The following TAF4B variants were observed in gnomAD, a reference collection of about 807,000 sequenced individuals.
TAF4B encodes transcription initiation factor TFIID subunit 4B.
Under a neutral mutation model 86.4 loss-of-function variants are expected in TAF4B, and 38 were observed. That is an observed-to-expected ratio of 0.44 (90% confidence interval 0.34 to 0.58). The LOEUF is 0.58. Ranked by LOEUF, TAF4B falls within the 20% of genes least tolerant of loss-of-function variation. TAF4B has a pLI of 0.02. For missense variants in TAF4B, 988 were observed against 1,027.6 expected (o/e 0.96, Z 0.53); for synonymous variants, 388 against 391.2 (o/e 0.99, Z 0.10).
chr18:26,311,906 A>G (rs2056857610), intron 9 of TAF4B, among the ~76,000 whole-genome samples: 1 of 152,230 alleles, frequency 6.6e-6, no homozygotes, highest in Non-Finnish European at 1.5e-5. Flanking sequence ...GTAAGAAGGC[A>G]GGCATGAGCA....
At chr18:26,300,040 GC>G (rs1201243294) in intron 9 of TAF4B, among the ~76,000 whole-genome samples, 1 of 151,904 alleles carries the variant, frequency 6.6e-6, no homozygotes, top group Non-Finnish European at 1.5e-5. Flanking sequence ...TCACTCTGTG[GC>G]CCAGATTAGA....
chr18:26,286,635 T>TA (rs2056527467), intron 7 of TAF4B, 136 bp downstream of exon 7: 3 of 656,928 alleles, frequency 4.6e-6, no homozygotes, highest in Non-Finnish European at 7.2e-6. Flanking sequence ...TTTTTTTTTT[T>TA]ACCTCATTTG....
chr18:26,349,532 C>T (rs1303407848), intron 13 of TAF4B, among the ~76,000 whole-genome samples: 5 of 152,012 alleles, frequency 3.3e-5, no homozygotes, highest in Admixed American at 6.6e-5. Context: ...AATTATAAAA[C>T]GCTAATGAAA....
At chr18:26,243,503 G>T (rs1412418389) in intron 1 of TAF4B, among the ~76,000 whole-genome samples, 1 of 152,040 alleles carries the variant, frequency 6.6e-6, no homozygotes, top group African/African-American at 2.4e-5. Context: ...CAAGTTTTTA[G>T]CTTCTTTGCA....
chr18:26,263,656 A>G (rs888301402), intron 1 of TAF4B, among the ~76,000 whole-genome samples: 1 of 152,130 alleles, frequency 6.6e-6, no homozygotes, highest in Non-Finnish European at 1.5e-5. Context: ...ACTTTAAGAA[A>G]TTCTTCCCTA....
intron 1 of TAF4B, among the ~76,000 whole-genome samples, chr18:26,228,052 G>C (rs1402177311): frequency 6.6e-6 from 1 of 152,176 alleles, no homozygotes; most frequent in Non-Finnish European, 1.5e-5. Flanking sequence ...ATGTGTCAAC[G>C]CTACTGTTAA....
At chr18:26,267,701 A>G (rs1030269790) in intron 3 of TAF4B, 78 bp downstream of exon 3, 15 of 988,122 alleles carry the variant, frequency 1.5e-5, no homozygotes, top group East Asian at 1.4e-4. Flanking sequence ...CCTGTTAGAT[A>G]TGTAAGTTAC....
In TAF4B at chr18:26,352,328, T is replaced by C. The variant is rs971316969; in HGVS notation, c.2317-5362T>C. Among the ~76,000 whole-genome samples the C allele has an allele frequency of 5.9e-5, 9 of 151,910 alleles. No individual in the cohort carries two copies. In the South Asian group the frequency reaches 1.9e-3, roughly 32 times the overall value. ...AAAGTAACAAGATAGGAGAAAATGCTTACATTAGAAAAGAAGAAAGGCCTC... is the reference window on the plus strand; with the variant it reads ...AAAGTAACAAGATAGGAGAAAATGCCTACATTAGAAAAGAAGAAAGGCCTC... On this transcript the variant is annotated intron_variant, in intron 13 of 14. Transcript: ENST00000269142.
At chr18:26,343,220 G>A (rs1159929613) in intron 13 of TAF4B, among the ~76,000 whole-genome samples, 4 of 152,154 alleles carry the variant, frequency 2.6e-5, no homozygotes, top group African/African-American at 9.7e-5. Context: ...GGGAAAGTGG[G>A]CTAAATCCCC....
intron 1 of TAF4B, among the ~76,000 whole-genome samples, chr18:26,242,220 A>G (rs988996306): frequency 1.3e-4 from 20 of 152,250 alleles, no homozygotes; most frequent in African/African-American, 4.8e-4. Flanking sequence ...GTGGGATTCT[A>G]AGTCTCTTTG....
intron 3 of TAF4B, among the ~76,000 whole-genome samples, chr18:26,273,974 T>C (rs1315834079): frequency 6.6e-6 from 1 of 152,232 alleles, no homozygotes; most frequent in Non-Finnish European, 1.5e-5. Context: ...CTGTAACTTT[T>C]AGTGTTTGTC....
chr18:26,227,375 G>A (rs1024662418), intron 1 of TAF4B, 99 bp downstream of exon 1: 11 of 1,041,624 alleles, frequency 1.1e-5, no homozygotes, highest in Non-Finnish European at 1.6e-5. Flanking sequence ...TGAGCCACGG[G>A]AACATTTCAT....
intron 1 of TAF4B, among the ~76,000 whole-genome samples, chr18:26,261,486 C>A (rs1027027183): frequency 4.6e-5 from 7 of 152,342 alleles, no homozygotes; most frequent in African/African-American, 1.4e-4. Flanking sequence ...AGGCGTGAGC[C>A]ACTGCGCCCG....
intron 9 of TAF4B, among the ~76,000 whole-genome samples, chr18:26,295,637 A>G (rs2056653881): frequency 6.6e-6 from 1 of 152,166 alleles, no homozygotes; most frequent in African/African-American, 2.4e-5. Context: ...CTACCGGTAC[A>G]TGGCCTGGGG....
chr18:26,315,230 G>A lies in TAF4B; in HGVS notation c.1834G>A (p.Asp612Asn). 2 of 1,546,732 alleles carry A rather than the reference G, an allele frequency of 1.3e-6. No homozygotes were observed. The highest frequency in any genetic ancestry group is 1.7e-6 in the Non-Finnish European group (2 of 1,145,358). Residue 612 changes from aspartate (D) to asparagine (N), a missense_variant and splice_region_variant, in exon 10 of 15, where the codon GAT (aspartate) becomes AAT (asparagine). Transcript: ENST00000269142. ...ATAACTTTTTTTTTTTTCTATTAGA[G>A]ATGAGGATGACATCAATGATGTGAC... ...IKENVTSCFR[D>N]EDDINDVTSM... is the part of the protein sequence containing the mutation.
intron 1 of TAF4B, among the ~76,000 whole-genome samples, chr18:26,256,644 T>C (rs1031434594): frequency 1.3e-5 from 2 of 152,142 alleles, no homozygotes; most frequent in African/African-American, 4.8e-5. Context: ...CAGGCATTTA[T>C]AGCTGTACAT....
chr18:26,264,501 T>C (rs552667370), intron 1 of TAF4B, among the ~76,000 whole-genome samples: 110 of 152,292 alleles, frequency 7.2e-4, no homozygotes, highest in African/African-American at 2.4e-3. Context: ...TGGTTATAGA[T>C]TGTTGAACTA....
intron 14 of TAF4B, among the ~76,000 whole-genome samples, chr18:26,382,068 T>C (rs947240305): frequency 2.6e-5 from 4 of 152,206 alleles, no homozygotes; most frequent in African/African-American, 4.8e-5. Context: ...TTTAAAGATA[T>C]TGATAAATTC....
chr18:26,346,484 C>T lies in TAF4B; in HGVS notation c.2317-11206C>T, dbSNP rs1028667800. On this transcript the variant is annotated intron_variant, in intron 13 of 14. Coordinates refer to ENST00000269142, the MANE Select transcript of TAF4B (RefSeq NM_005640.3). ...AATTTCTCAAGTATTTGGAGAGACA[C>T]ATCCAGGTTCAGGAAGCTGGAAGAA... 2.0e-5 allele frequency among the ~76,000 whole-genome samples: 3 copies of T among 151,752 alleles called. No individual in the cohort carries two copies. The East Asian group carries it at 5.8e-4, about 29-fold the overall frequency.
Sources: allele counts gnomAD v4.1 joint callset (sites outside exome capture counted in the v4.1 genomes callset), GRCh38; gene constraint gnomAD v4.1.1; transcripts MANE v1.5; gene names NCBI Gene and HGNC (gene_info 2026-07-23, HGNC 2026-07-21).